CPVL: variants seen among roughly 807,000 people sequenced by gnomAD.
CPVL encodes probable serine carboxypeptidase CPVL.
A neutral mutation model predicts 63.7 loss-of-function variants in CPVL; 51 were observed. The ratio of observed to expected loss-of-function variants is 0.80; its 90% CI spans 0.64 to 1.01. The LOEUF is 1.01. CPVL is among the 50% of genes least tolerant of loss of function. The pLI is 0.00. For missense variants in CPVL, 530 were observed against 573.1 expected (o/e 0.92, Z 0.77); for synonymous variants, 195 against 206.0 (o/e 0.95, Z 0.46).
At position 29,075,941 on chromosome 7, in the gene CPVL, C is replaced by T. The variant is rs1784195118; in HGVS notation, c.610-3518G>A. On this transcript the variant is annotated intron_variant, in intron 7 of 12. Transcript: ENST00000265394. ...TAATAAAATTTCAGTTATTTTCACTCTCCTTGTTGAGATAGTTTTTTTTTT... is the reference window on the plus strand; with the variant it reads ...TAATAAAATTTCAGTTATTTTCACTTTCCTTGTTGAGATAGTTTTTTTTTT... Among the ~76,000 whole-genome samples the T allele has an allele frequency of 1.6e-5, 2 of 123,120 alleles. 1 individual carries two copies. The highest frequency in any genetic ancestry group is 5.4e-4 in the South Asian group (2 of 3,702). The allele number at this position is 123,120 out of a possible 152,430, so 80.8% of individuals were successfully genotyped here. A position where few individuals can be genotyped will look rare whatever the true frequency, so the allele number is the denominator to read the frequency against.
chr7:29,064,875 C>T (rs931980102), intron 10 of CPVL, among the ~76,000 whole-genome samples: 8 of 150,908 alleles, frequency 5.3e-5, no homozygotes, highest in African/African-American at 1.7e-4. Flanking sequence ...CAAACCTGCA[C>T]GTTGTGCACA....
intron 12 of CPVL, among the ~76,000 whole-genome samples, chr7:29,025,955 T>G (rs997856883): frequency 6.6e-6 from 1 of 152,164 alleles, no homozygotes. Flanking sequence ...TAAACTGCAC[T>G]TTAGACAAAA....
In CPVL at chr7:29,074,015, A is replaced by T. The variant is rs191621770; in HGVS notation, c.610-1592T>A. On this transcript the variant is annotated intron_variant, in intron 7 of 12. Transcript: ENST00000265394. ...AGGGGTCTGTAGTTCAAAGGCTGGG[A>T]ACCCCTGAAAGCTCTTATTTTATCC... is the stretch of plus-strand genomic sequence containing the variant. Among the ~76,000 whole-genome samples, 417 of 152,322 alleles carry T rather than the reference A, an allele frequency of 2.7e-3. 1 individual carries two copies. The highest frequency in any genetic ancestry group is 0.014 in the Middle Eastern group (4 of 294).
At chr7:29,190,290 A>G (rs1031631495) in intron 1 of CPVL, among the ~76,000 whole-genome samples, 1 of 152,240 alleles carries the variant, frequency 6.6e-6, no homozygotes, top group South Asian at 2.1e-4. Context: ...ATTTAAAGCT[A>G]GTTGACGAAT....
intron 3 of CPVL, among the ~76,000 whole-genome samples, chr7:29,099,481 G>A (rs957231719): frequency 3.9e-5 from 6 of 152,188 alleles, no homozygotes; most frequent in Non-Finnish European, 8.8e-5. Context: ...GGAGGCCGAG[G>A]CAGCAAGATC....
chr7:29,068,675 T>A lies in CPVL; in HGVS notation c.865-2554A>T, dbSNP rs1584160523. On this transcript the variant is annotated intron_variant, in intron 9 of 12. Transcript: ENST00000265394. Reference sequence around the variant, plus strand: ...GGACTGCATCACCACAGAGGAGGTGTCTTTTTCTTTTTTTTTTTCTTTGTT... The same window carrying A: ...GGACTGCATCACCACAGAGGAGGTGACTTTTTCTTTTTTTTTTTCTTTGTT... 5.3e-5 allele frequency among the ~76,000 whole-genome samples: 8 copies of A among 150,216 alleles called. No homozygotes were observed. In the South Asian group the frequency reaches 1.5e-3, roughly 27 times the overall value.
intron 12 of CPVL, among the ~76,000 whole-genome samples, chr7:29,022,152 C>T (rs1051301465): frequency 6.6e-6 from 1 of 152,100 alleles, no homozygotes; most frequent in African/African-American, 2.4e-5. Flanking sequence ...GGCCTGGGAA[C>T]TGGCTCACCC....
chr7:29,097,837 G>T (rs766248567), intron 3 of CPVL, among the ~76,000 whole-genome samples: 1 of 152,224 alleles, frequency 6.6e-6, no homozygotes, highest in Non-Finnish European at 1.5e-5. Flanking sequence ...AGCCCTGAAA[G>T]CTGAGAAGGA....
chr7:29,084,709 T>C lies in CPVL; in HGVS notation c.609+1775A>G, dbSNP rs376088309. ...ACTGAAACCAACATAGACAAATGAA[T>C]GTAACTGTGTATTAAATTTTAACAT... On this transcript the variant is annotated intron_variant, in intron 7 of 12. Transcript: ENST00000265394. 1.0e-3 allele frequency among the ~76,000 whole-genome samples: 154 copies of C among 152,344 alleles called. 3 individuals carry two copies. In the South Asian group the frequency reaches 0.031, roughly 31 times the overall value.
chr7:29,088,590 T>G (rs1361183863), intron 6 of CPVL, among the ~76,000 whole-genome samples: 1 of 152,222 alleles, frequency 6.6e-6, no homozygotes, highest in Non-Finnish European at 1.5e-5. Context: ...TGTATTTTAG[T>G]CAAGAACTCT....
intron 6 of CPVL, among the ~76,000 whole-genome samples, chr7:29,089,545 C>T (rs558932265): frequency 1.1e-4 from 17 of 152,210 alleles, no homozygotes; most frequent in East Asian, 5.8e-4. Context: ...AGGGCCTGGG[C>T]GGAAGCAGCT....
At position 29,161,930 on chromosome 7, in the gene CPVL, A is replaced by G. The variant is rs535796621; in HGVS notation, c.-11+19360T>C. Among the ~76,000 whole-genome samples the G allele has an allele frequency of 1.1e-4, 16 of 152,356 alleles. No homozygotes were observed. In the East Asian group the frequency reaches 1.5e-3, roughly 15 times the overall value. ...AATAAGCACATGAAAGATACTCAGC[A>G]TCACTAGCTATCAGGGGAATGTAAG... On this transcript the variant is annotated intron_variant, in intron 5 of 16. Coordinates refer to the CPVL transcript ENST00000409850.
chr7:29,097,785 G>A (rs981527937), intron 3 of CPVL, among the ~76,000 whole-genome samples: 1 of 152,194 alleles, frequency 6.6e-6, no homozygotes, highest in Non-Finnish European at 1.5e-5. Flanking sequence ...AAAAGGAGAA[G>A]GTGATTAGCG....
At chr7:29,062,602 T>C (rs1180402419) in intron 11 of CPVL, among the ~76,000 whole-genome samples, 1 of 152,222 alleles carries the variant, frequency 6.6e-6, no homozygotes. Flanking sequence ...CTCCTAGGTC[T>C]GGCATATTCT....
Position 29,030,712 on chromosome 7 carries a change from C to A in CPVL, c.1185G>T (p.Leu395=). Residue 395 remains leucine, a synonymous_variant, in exon 12 of 13, where the codon CTG becomes CTT. Coordinates refer to ENST00000265394, the MANE Select transcript of CPVL (RefSeq NM_031311.5). ...CCATGCCCATCAAGGAGCGCTCTGT[C>A]AGGGCAGCTGCCACGATGATGTCCA... is the stretch of plus-strand genomic sequence containing the variant. ...GQLDIIVAAA[L]TERSLMGMDW... 1 of 1,613,172 alleles carries A rather than the reference C, an allele frequency of 6.2e-7. No individual in the cohort carries two copies. The highest frequency in any genetic ancestry group is 8.5e-7 in the Non-Finnish European group (1 of 1,179,682).
intron 11 of CPVL, among the ~76,000 whole-genome samples, chr7:29,044,325 G>A (rs894185326): frequency 6.6e-6 from 1 of 152,152 alleles, no homozygotes; most frequent in Non-Finnish European, 1.5e-5. Context: ...GCTGAGGCAT[G>A]AGAATCACTT....
chr7:29,185,378 A>G (rs1798585426), intron 3 of CPVL: 1 of 152,150 alleles, frequency 6.6e-6, no homozygotes, highest in African/African-American at 2.4e-5. Flanking sequence ...ATGTCATGCT[A>G]ATGTTAGATT....
chr7:29,113,594 C>G (rs1650426214), intron 2 of CPVL: 1 of 152,226 alleles, frequency 6.6e-6, no homozygotes, highest in Admixed American at 6.5e-5. Context: ...GGCCAGAATA[C>G]CAGGGCTTTA....
At chr7:28,994,821 C>T (rs1783927926), downstream of CPVL, among the ~76,000 whole-genome samples, 1 of 152,092 alleles carries the variant, frequency 6.6e-6, no homozygotes, top group Non-Finnish European at 1.5e-5. Flanking sequence ...TGAGCCAGTT[C>T]ATAGATGGGT....
Sources: gnomAD v4.1 joint callset for allele counts (sites outside exome capture counted in the v4.1 genomes callset) on GRCh38, gnomAD v4.1.1 for gene constraint, MANE v1.5 for transcripts, NCBI Gene and HGNC (gene_info 2026-07-23, HGNC 2026-07-21) for gene names.